Variants in DNMT3A observed in about 807,000 individuals in gnomAD.
DNMT3A encodes DNA (cytosine-5)-methyltransferase 3A.
Under a neutral mutation model 117.6 loss-of-function variants are expected in DNMT3A, and 267 were observed. The ratio of observed to expected loss-of-function variants is 2.27; its 90% CI spans 2.05 to 2.51. The LOEUF (loss-of-function observed/expected upper bound fraction) is 2.51, where lower values mean the gene tolerates loss of function less well. Ranked by LOEUF, DNMT3A falls within the 30% of genes most tolerant of loss-of-function variation. The pLI is 0.00. For synonymous variants in DNMT3A, 432 were observed against 474.8 expected, an observed-to-expected ratio of 0.91 and a Z score of 1.17; for missense variants, 1,029 against 1,260.2, an observed-to-expected ratio of 0.82 and a Z score of 2.78.
At chr2:25,271,065 C>T (rs2030852514) in intron 6 of DNMT3A, among the ~76,000 whole-genome samples, 1 of 152,008 alleles carries the variant, frequency 6.6e-6, no homozygotes, top group Admixed American at 6.6e-5. Context: ...GCCTGATAGG[C>T]CGGGTGCAGT....
In DNMT3A at chr2:25,247,752, G is replaced by A. The variant is rs1440824172; in HGVS notation, c.856-3C>T. 1 of 1,611,186 alleles carries A rather than the reference G, an allele frequency of 6.2e-7. No homozygotes were observed. The highest frequency in any genetic ancestry group is 2.2e-5 in the East Asian group (1 of 44,870). On this transcript the variant is annotated splice_polypyrimidine_tract_variant and splice_region_variant and intron_variant, in intron 7 of 22. Coordinates refer to ENST00000321117, the MANE Select transcript of DNMT3A (RefSeq NM_022552.5). The surrounding 1 kb of genome is among the most constrained non-coding windows in gnomAD (Gnocchi z 5.6). ...CCAATGCCAAAGCCCCGGCCGTCCT[G>A]GAGCCCCAAGGAGCAGAAATCATTA...
rs1189663420 is a variant in DNMT3A at position 25,282,400 on chromosome 2, G to A, written c.448+41C>T. 6.3e-7 allele frequency: 1 copy of A among 1,597,294 alleles called. No individual in the cohort carries two copies. Among genetic ancestry groups the A allele is most frequent in the African/African-American group, 1.3e-5 (1 of 74,732 alleles). On this transcript the variant is annotated intron_variant, in intron 4 of 22. Transcript: ENST00000321117. The surrounding 1 kb of genome is among the most constrained non-coding windows in gnomAD (Gnocchi z 5.2). ...AAGTCCCTGACTCTCAGGGTATGCTGGTGGGCCCAGAAGAGGCTGCCCCTG... is the reference window on the plus strand; with the variant it reads ...AAGTCCCTGACTCTCAGGGTATGCTAGTGGGCCCAGAAGAGGCTGCCCCTG...
chr2:25,321,331 C>A (rs571198553), intron 1 of DNMT3A, among the ~76,000 whole-genome samples: 1 of 152,198 alleles, frequency 6.6e-6, no homozygotes, highest in Non-Finnish European at 1.5e-5. Context: ...AACTCCAAAG[C>A]CAGCGATGGC....
In DNMT3A at chr2:25,247,907, A is replaced by C; in HGVS notation, c.855+130T>G. On this transcript the variant is annotated intron_variant, in intron 7 of 22. Coordinates refer to ENST00000321117, the MANE Select transcript of DNMT3A (RefSeq NM_022552.5). The surrounding 1 kb of genome is among the most constrained non-coding windows in gnomAD (Gnocchi z 5.6). ...AAGACAGAGCAAAATCGGGGAGACG[A>C]AGAGGCCCGGGGTCAGGTGGAGAGA... The C allele has an allele frequency of 2.6e-6, 4 of 1,514,272 alleles. No individual in the cohort carries two copies. Among genetic ancestry groups the C allele is most frequent in the Non-Finnish European group, 3.6e-6 (4 of 1,126,314 alleles). 93.8% of individuals were successfully genotyped at this position (1,514,272 alleles called of 1,614,324 possible).
chr2:25,301,270 A>G (rs2033500636), intron 2 of DNMT3A, among the ~76,000 whole-genome samples: 1 of 151,348 alleles, frequency 6.6e-6, no homozygotes, highest in African/African-American at 2.4e-5. Context: ...CTGTCTCAAA[A>G]AAAAAAAAAG....
rs747745911 is a variant in DNMT3A, at chr2:25,339,401, AG to A, written c.-178+2424del. 2.0e-4 allele frequency among the ~76,000 whole-genome samples: 31 copies of A among 152,162 alleles called. No individual in the cohort carries two copies. Among genetic ancestry groups the A allele is most frequent in the Non-Finnish European group, 4.3e-4 (29 of 68,026 alleles). On this transcript the variant is annotated intron_variant, in intron 1 of 22. Transcript: ENST00000321117. This position sits in a 1 kb window ranked among gnomAD's most constrained non-coding sequence, Gnocchi z 4.9. ...AGTCTAGAAGGAATTCACCTTTCTT[AG>A]GGTCAGTCTCCTATGGAAGGCACTG...
intron 3 of DNMT3A, among the ~76,000 whole-genome samples, chr2:25,299,122 G>C (rs1459095936): frequency 6.6e-6 from 1 of 152,198 alleles, no homozygotes; most frequent in South Asian, 2.1e-4. Flanking sequence ...AGCTGGAAGG[G>C]GGGTAAAAGA....
chr2:25,342,095 C>T (rs1465289437), upstream of DNMT3A, among the ~76,000 whole-genome samples: 1 of 143,724 alleles, frequency 7.0e-6, no homozygotes, highest in Non-Finnish European at 1.5e-5. This position sits in a 1 kb window ranked among gnomAD's most constrained non-coding sequence, Gnocchi z 5.9. Context: ...GGCCTCCGCC[C>T]GCCGCTCGCC....
In DNMT3A at chr2:25,244,133, G is replaced by A. The variant is rs371180318; in HGVS notation, c.1851+22C>T. ...GGCTCAGCCAAGGGAGCTCGAGACC[G>A]CGCCCCAGGCCCAGCACTCACAAAT... is the stretch of plus-strand genomic sequence containing the variant. On this transcript the variant is annotated intron_variant, in intron 15 of 22. Transcript: ENST00000321117. 51 of 1,613,708 alleles carry A rather than the reference G, an allele frequency of 3.2e-5. No individual in the cohort carries two copies. The East Asian group carries it at 3.8e-4, about 12-fold the overall frequency.
chr2:25,270,655 A>T (rs2030795470), intron 6 of DNMT3A, among the ~76,000 whole-genome samples: 26 of 151,958 alleles, frequency 1.7e-4, no homozygotes, highest in Admixed American at 1.7e-3. Context: ...TCAGTGGATC[A>T]ACACTGGCAG....
chr2:25,244,246 C>A lies in DNMT3A; in HGVS notation c.1760G>T (p.Gly587Val). 1 of 1,614,028 alleles carries A rather than the reference C, an allele frequency of 6.2e-7. No homozygotes were observed. Among genetic ancestry groups the A allele is most frequent in the Non-Finnish European group, 8.5e-7 (1 of 1,180,030 alleles). ...CAGCAGCCCGTAGGTACCCTTGTGCCCGCACATGTAGCAGTTCCAGGGGTC... is the reference window on the plus strand; with the variant it reads ...CAGCAGCCCGTAGGTACCCTTGTGCACGCACATGTAGCAGTTCCAGGGGTC... ...KEDPWNCYMC[G>V]HKGTYGLLRR... The change falls in exon 15 of 23, where the codon GGG becomes GTG. Residue 587 changes from glycine to valine, a missense_variant. By Grantham distance (109) the Gly-to-Val change is moderately radical. Transcript: ENST00000321117.
chr2:25,297,517 T>G (rs566577436), intron 3 of DNMT3A, among the ~76,000 whole-genome samples: 14 of 149,750 alleles, frequency 9.3e-5, no homozygotes, highest in East Asian at 3.9e-4. Context: ...GTTTTTTTTT[T>G]TTTTTTTTTT....
chr2:25,240,907 C>A (rs1276580603), intron 17 of DNMT3A, among the ~76,000 whole-genome samples, 177 bp from the exon 18 acceptor site: 1 of 152,210 alleles, frequency 6.6e-6, no homozygotes, highest in Non-Finnish European at 1.5e-5. Context: ...TAAACAAGAA[C>A]GGGACCAAGT....
intron 3 of DNMT3A, among the ~76,000 whole-genome samples, chr2:25,285,879 C>T (rs1258889617): frequency 6.6e-6 from 1 of 152,250 alleles, no homozygotes; most frequent in African/African-American, 2.4e-5. Context: ...TACCCCTGCA[C>T]TGCAGCCACC....
At position 25,252,075 on chromosome 2, in the gene DNMT3A, G is replaced by T; in HGVS notation, c.640-3823C>A. The T allele has an allele frequency of 2.3e-6, 3 of 1,325,606 alleles. No individual in the cohort carries two copies. The highest frequency in any genetic ancestry group is 3.1e-6 in the Non-Finnish European group (3 of 976,734). 82.1% of individuals were successfully genotyped at this position (1,325,606 alleles called of 1,614,324 possible). On this transcript the variant is annotated intron_variant, in intron 6 of 22. Coordinates refer to ENST00000321117, the MANE Select transcript of DNMT3A (RefSeq NM_022552.5). The surrounding 1 kb of genome is among the most constrained non-coding windows in gnomAD (Gnocchi z 5.5). ...CGGGCCAGGCCGGGACGCCGCGGCT[G>T]CTGCGGGCCGGGGAGGCATACTTCA...
At chr2:25,299,409 C>T (rs373411215) in intron 3 of DNMT3A, among the ~76,000 whole-genome samples, 1 of 152,236 alleles carries the variant, frequency 6.6e-6, no homozygotes, top group Non-Finnish European at 1.5e-5. Context: ...TCCCAGGCCT[C>T]AGTTCCCTTC....
Position 25,248,191 on chromosome 2 carries a change from C to T in DNMT3A, c.701G>A (p.Gly234Glu). 6.2e-7 allele frequency: 1 copy of T among 1,613,614 alleles called. No individual in the cohort carries two copies. Among genetic ancestry groups the T allele is most frequent in the Middle Eastern group, 1.7e-4 (1 of 6,036 alleles). The change falls in exon 7 of 23, where the codon GGG becomes GAG. Residue 234 changes from glycine (G) to glutamate (E), a missense_variant. Gly to Glu is a moderately conservative substitution (Grantham distance 98). Transcript: ENST00000321117. ...MNAVEENQGP[G>E]ESQKVEEASP... Reference sequence around the variant, plus strand: ...GGCCTCCTCCACCTTCTGAGACTCCCCGGGCCCCTGGTTTTCTTCCACAGC... The same window carrying T: ...GGCCTCCTCCACCTTCTGAGACTCCTCGGGCCCCTGGTTTTCTTCCACAGC...
rs765435082 is a variant in DNMT3A at position 25,234,271 on chromosome 2, C to T, written c.*8G>A. The T allele has an allele frequency of 6.2e-7, 1 of 1,606,994 alleles. No homozygotes were observed. The highest frequency in any genetic ancestry group is 1.7e-5 in the Admixed American group (1 of 59,476). ...TTGTGTCGCTACCTCAGTTTGCCCCCATGTCCCTTACACACACGCAAAATA... is the reference window on the plus strand; with the variant it reads ...TTGTGTCGCTACCTCAGTTTGCCCCTATGTCCCTTACACACACGCAAAATA... On this transcript the variant is annotated 3_prime_UTR_variant, in exon 23 of 23. Coordinates refer to ENST00000321117, the MANE Select transcript of DNMT3A (RefSeq NM_022552.5). The surrounding 1 kb of genome is among the most constrained non-coding windows in gnomAD (Gnocchi z 4.5).
Position 25,246,071 on chromosome 2 carries a change from G to C in DNMT3A, c.1430-7C>G. 1 of 1,614,206 alleles carries C rather than the reference G, an allele frequency of 6.2e-7. No homozygotes were observed. On this transcript the variant is annotated splice_region_variant and splice_polypyrimidine_tract_variant and intron_variant, in intron 11 of 22. Coordinates refer to ENST00000321117, the MANE Select transcript of DNMT3A (RefSeq NM_022552.5). ...ACCTCGTACACCAGCCGCTCTGCAA[G>C]GGGAGGAGAGCTGGCGTCAGAGGAG...
Sources: allele counts gnomAD v4.1 joint callset (sites outside exome capture counted in the v4.1 genomes callset), GRCh38; gene constraint gnomAD v4.1.1; non-coding constraint Gnocchi (gnomAD v3.1); transcripts MANE v1.5; gene names NCBI Gene and HGNC (gene_info 2026-07-23, HGNC 2026-07-21).